The following KANSL1 variants were observed in gnomAD, a reference collection of about 807,000 sequenced individuals.
KANSL1 encodes the protein KAT8 regulatory NSL complex subunit 1.
In KANSL1, 22 loss-of-function variants were observed where a neutral mutation model predicts 103.6. The ratio of observed to expected loss-of-function variants is 0.21; its 90% CI spans 0.15 to 0.30. The LOEUF (loss-of-function observed/expected upper bound fraction) is 0.30. Among genes scored for constraint, KANSL1 ranks in the 10% least tolerant of loss-of-function variants. KANSL1 has a pLI of 1.00. For missense variants in KANSL1, 1,337 were observed against 1,399.8 expected (o/e 0.96, Z 0.72); for synonymous variants, 600 against 527.6 (o/e 1.14, Z -1.88).
At chr17:46,046,572 T>C (rs1256368777) in intron 7 of KANSL1, among the ~76,000 whole-genome samples, 1 of 131,586 alleles carries the variant, frequency 7.6e-6, no homozygotes, top group Admixed American at 8.2e-5. Flanking sequence ...GTGCGGTGGC[T>C]CATGCTTGTA....
chr17:46,197,882 G>A (rs536923594), upstream of KANSL1, among the ~76,000 whole-genome samples: 5 of 152,316 alleles, frequency 3.3e-5, no homozygotes, highest in South Asian at 1.0e-3. Context: ...AAACAAGCCA[G>A]AAATTCCTAA....
In KANSL1 at chr17:46,031,164, G is replaced by C; in HGVS notation, c.*312C>G. 2.4e-6 allele frequency: 1 copy of C among 425,450 alleles called. No homozygotes were observed. Among genetic ancestry groups the C allele is most frequent in the Non-Finnish European group, 4.3e-6 (1 of 232,608 alleles). The allele number at this position is 425,450 out of a possible 1,614,324, so 26.4% of individuals were successfully genotyped here. On this transcript the variant is annotated 3_prime_UTR_variant, in exon 15 of 15. Coordinates refer to ENST00000432791, the MANE Select transcript of KANSL1 (RefSeq NM_015443.4). ...GCCCACAGGTGTGAGGGAGGGGGTG[G>C]TCATCTAAGATCAGTAAGTCCAGTG...
At chr17:46,168,424 C>G (rs555112187) in intron 2 of KANSL1, among the ~76,000 whole-genome samples, 15 of 152,164 alleles carry the variant, frequency 9.9e-5, no homozygotes, top group African/African-American at 3.4e-4. Context: ...CTCAGCTCAC[C>G]GCAACCTCCG....
intron 2 of KANSL1, chr17:46,121,387 C>T (rs1468508116): frequency 6.6e-6 from 1 of 152,306 alleles, no homozygotes; most frequent in African/African-American, 2.4e-5. Context: ...GCTGTTGAAG[C>T]TACACTGGTT....
At chr17:46,162,714 C>T (rs1486265185) in intron 2 of KANSL1, among the ~76,000 whole-genome samples, 2 of 152,260 alleles carry the variant, frequency 1.3e-5, no homozygotes, top group Non-Finnish European at 2.9e-5. Context: ...CTTCTCCACA[C>T]AAGCGGGGTC....
chr17:46,132,116 A>C (rs1163684789), intron 2 of KANSL1, among the ~76,000 whole-genome samples: 1 of 152,052 alleles, frequency 6.6e-6, no homozygotes. Flanking sequence ...CAAAACAGCA[A>C]AACTCCATCT....
At chr17:46,196,620 C>A, upstream of KANSL1, 1 of 330,056 alleles carries the variant, frequency 3.0e-6, no homozygotes, top group Non-Finnish European at 6.0e-6. Context: ...TGTATGACTT[C>A]TGGATTTCCA....
At chr17:46,225,128 C>CGT (rs1416393376), upstream of KANSL1, among the ~76,000 whole-genome samples, 2 of 151,924 alleles carry the variant, frequency 1.3e-5, no homozygotes, top group African/African-American at 2.4e-5. Flanking sequence ...GTGCCCCACA[C>CGT]ACGCGTCCCC....
chr17:46,065,783 T>C (rs1004798831), intron 6 of KANSL1, among the ~76,000 whole-genome samples: 2 of 152,242 alleles, frequency 1.3e-5, no homozygotes, highest in African/African-American at 4.8e-5. Flanking sequence ...CAATCTAAAA[T>C]TCCCTACAGT....
rs570041915 is a variant in KANSL1, at chr17:46,090,342, C to T, written c.1431+4218G>A. Among the ~76,000 whole-genome samples, 4 of 152,312 alleles carry T rather than the reference C, an allele frequency of 2.6e-5. No individual in the cohort carries two copies. The East Asian group carries it at 7.7e-4, about 29-fold the overall frequency. On this transcript the variant is annotated intron_variant, in intron 3 of 14. Coordinates refer to ENST00000432791, the MANE Select transcript of KANSL1 (RefSeq NM_015443.4). Reference sequence around the variant, plus strand: ...ACATTTCTGATTTTTTAAGCCATCCCATTTGTGATAGTTTGTTATGACAGT... The same window carrying T: ...ACATTTCTGATTTTTTAAGCCATCCTATTTGTGATAGTTTGTTATGACAGT...
intron 2 of KANSL1, among the ~76,000 whole-genome samples, chr17:46,130,763 G>A (rs2043827012): frequency 6.6e-6 from 1 of 152,100 alleles, no homozygotes; most frequent in South Asian, 2.1e-4. Context: ...TCTAGACATA[G>A]AAGATAGAAA....
chr17:46,203,093 G>A (rs1032860338), intron 1 of KANSL1, among the ~76,000 whole-genome samples: 8 of 152,170 alleles, frequency 5.3e-5, no homozygotes, highest in South Asian at 2.1e-4. Context: ...TTAGCCAGGC[G>A]TGGTGGCATG....
chr17:46,072,552 T>C (rs891920264), intron 4 of KANSL1, among the ~76,000 whole-genome samples: 4 of 152,130 alleles, frequency 2.6e-5, no homozygotes, highest in African/African-American at 4.8e-5. Context: ...CCCATTTCAA[T>C]GATACTGAGC....
intron 2 of KANSL1, among the ~76,000 whole-genome samples, chr17:46,124,399 C>T (rs1033240871): frequency 6.6e-6 from 1 of 152,220 alleles, no homozygotes; most frequent in African/African-American, 2.4e-5. Flanking sequence ...CAAAATACTG[C>T]TGCTCACTGA....
intron 4 of KANSL1, among the ~76,000 whole-genome samples, chr17:46,074,196 A>C (rs2078677184): frequency 6.6e-6 from 1 of 152,208 alleles, no homozygotes; most frequent in South Asian, 2.1e-4. Flanking sequence ...AGTATTTCAA[A>C]ATATAAGCGG....
chr17:46,077,915 T>G (rs999247549), intron 4 of KANSL1, among the ~76,000 whole-genome samples: 1 of 150,714 alleles, frequency 6.6e-6, no homozygotes, highest in African/African-American at 2.4e-5. Flanking sequence ...GTCATTAAGT[T>G]CCTCAATTTT....
intron 2 of KANSL1, among the ~76,000 whole-genome samples, chr17:46,118,429 A>C (rs1403035675): frequency 6.6e-6 from 1 of 152,352 alleles, no homozygotes; most frequent in East Asian, 1.9e-4. Flanking sequence ...CATTTACATT[A>C]GATGCTTTAT....
intron 6 of KANSL1, among the ~76,000 whole-genome samples, chr17:46,057,046 A>T (rs932181868): frequency 8.5e-5 from 13 of 152,226 alleles, no homozygotes; most frequent in African/African-American, 2.9e-4. Context: ...TTCAAAGCAC[A>T]GGCTCCCATT....
chr17:46,219,851 C>G (rs1414017557), intron 1 of KANSL1, among the ~76,000 whole-genome samples: 1 of 152,350 alleles, frequency 6.6e-6, no homozygotes, highest in Admixed American at 6.5e-5. Context: ...CGCCTGTAAT[C>G]CCAGCACTTT....
Sources: gnomAD v4.1 joint callset for allele counts (sites outside exome capture counted in the v4.1 genomes callset) on GRCh38, gnomAD v4.1.1 for gene constraint, MANE v1.5 for transcripts, NCBI Gene and HGNC (gene_info 2026-07-23, HGNC 2026-07-21) for gene names.